DIAPH3: variants seen among roughly 807,000 people sequenced by gnomAD.
DIAPH3 encodes the protein protein diaphanous homolog 3.
A neutral mutation model predicts 144.3 loss-of-function variants in DIAPH3; 117 were observed. The ratio of observed to expected loss-of-function variants is 0.81; its 90% CI spans 0.70 to 0.95. The LOEUF is 0.95. Ranked by LOEUF, DIAPH3 falls within the 40% of genes least tolerant of loss-of-function variation. The probability of loss-of-function intolerance (pLI) is 0.00; values close to 1 mark genes in which losing one functional copy is unlikely to be tolerated. For missense variants in DIAPH3, 1,421 were observed against 1,412.7 expected, an observed-to-expected ratio of 1.01 and a Z score of -0.09; for synonymous variants, 519 against 488.9, an observed-to-expected ratio of 1.06 and a Z score of -0.81.
intron 25 of DIAPH3, among the ~76,000 whole-genome samples, chr13:59,781,072 T>C (rs1023033913): frequency 1.2e-4 from 19 of 152,238 alleles, no homozygotes; most frequent in African/African-American, 4.6e-4. Flanking sequence ...GAACTCTCTT[T>C]CCTTATTCCA....
intron 25 of DIAPH3, among the ~76,000 whole-genome samples, chr13:59,781,516 C>T (rs1191400100): frequency 1.3e-5 from 2 of 152,132 alleles, no homozygotes; most frequent in African/African-American, 4.8e-5. Context: ...CCCAGGATGT[C>T]CCAGTCTCAG....
chr13:59,845,661 C>T (rs1282040618), intron 22 of DIAPH3, among the ~76,000 whole-genome samples: 1 of 152,182 alleles, frequency 6.6e-6, no homozygotes, highest in East Asian at 1.9e-4. Context: ...TAATGTGTGT[C>T]TATCTGCCTT....
rs200769084 is a variant in DIAPH3, at chr13:59,793,276, CATTG to C, written c.3163+17508_3163+17511del. ...TCCTGCCGCCCTCAGAAGTTTACTC[CATTG>C]ATTGTCATTCTCTTCCAATTGCCCT... On this transcript the variant is annotated intron_variant, in intron 25 of 27. Transcript: ENST00000400324. Among the ~76,000 whole-genome samples the C allele has an allele frequency of 5.8e-3, 890 of 152,242 alleles. 11 individuals are homozygous for C. The highest frequency in any genetic ancestry group is 0.02 in the African/African-American group (840 of 41,538).
chr13:60,132,127 C>T (rs1214546041), intron 2 of DIAPH3, among the ~76,000 whole-genome samples: 1 of 152,166 alleles, frequency 6.6e-6, no homozygotes, highest in Non-Finnish European at 1.5e-5. Context: ...CATTCTAATA[C>T]AATTTTTAAG....
intron 27 of DIAPH3, among the ~76,000 whole-genome samples, chr13:59,691,017 AC>A (rs1337136058): frequency 6.6e-6 from 1 of 152,170 alleles, no homozygotes; most frequent in Non-Finnish European, 1.5e-5. Context: ...TTGGGTCTTG[AC>A]ATGTAAGTAG....
intron 20 of DIAPH3, 27 bp from the exon 21 acceptor site, chr13:59,879,495 C>A: frequency 6.2e-7 from 1 of 1,612,962 alleles, no homozygotes; most frequent in South Asian, 1.1e-5. Flanking sequence ...CAGCAGATTT[C>A]CTTTAAAATG....
At chr13:59,999,089 T>A (rs923935249) in intron 9 of DIAPH3, among the ~76,000 whole-genome samples, 1 of 152,090 alleles carries the variant, frequency 6.6e-6, no homozygotes, top group South Asian at 2.1e-4. Context: ...CTTTGAAGAT[T>A]AAAGTGGTAG....
chr13:59,786,685 T>C (rs2039046314), intron 25 of DIAPH3, among the ~76,000 whole-genome samples: 1 of 152,244 alleles, frequency 6.6e-6, no homozygotes, highest in East Asian at 1.9e-4. Context: ...AAAAAAAACT[T>C]CAGTACATAA....
chr13:59,765,214 T>G (rs1352925830), intron 27 of DIAPH3, among the ~76,000 whole-genome samples: 3 of 152,240 alleles, frequency 2.0e-5, no homozygotes, highest in African/African-American at 7.2e-5. Context: ...CAAGAACTAT[T>G]CATAGCAAGA....
rs147289608 is a variant in DIAPH3, at chr13:59,762,871, C to T, written c.3319+11318G>A. On this transcript the variant is annotated intron_variant, in intron 27 of 27. Coordinates refer to ENST00000400324, the MANE Select transcript of DIAPH3 (RefSeq NM_001042517.2). Reference sequence around the variant, plus strand: ...GTCTGTCTTAGTTAATGGGTTGATGCCATTATTGTGAGAATAGTTTCCTTA... The same window carrying T: ...GTCTGTCTTAGTTAATGGGTTGATGTCATTATTGTGAGAATAGTTTCCTTA... Among the ~76,000 whole-genome samples the T allele has an allele frequency of 1.3e-3, 191 of 152,150 alleles. 1 individual carries two copies. Among genetic ancestry groups the T allele is most frequent in the African/African-American group, 4.4e-3 (181 of 41,516 alleles).
At chr13:59,893,542 C>T (rs937745654) in intron 20 of DIAPH3, among the ~76,000 whole-genome samples, 1 of 151,726 alleles carries the variant, frequency 6.6e-6, no homozygotes, top group Admixed American at 6.6e-5. Flanking sequence ...GCAGTCAGAT[C>T]CCTGAATGCA....
At chr13:59,690,843 T>C (rs1173256672) in intron 27 of DIAPH3, among the ~76,000 whole-genome samples, 1 of 152,154 alleles carries the variant, frequency 6.6e-6, no homozygotes, top group East Asian at 1.9e-4. Flanking sequence ...ATGAACAAGA[T>C]CTTAGGCCTT....
intron 4 of DIAPH3, among the ~76,000 whole-genome samples, chr13:60,066,000 ATT>A (rs773397002): frequency 2.6e-5 from 4 of 152,172 alleles, no homozygotes; most frequent in African/African-American, 4.8e-5. Flanking sequence ...ATAAAATGTC[ATT>A]TTTAATAAAT....
intron 4 of DIAPH3, among the ~76,000 whole-genome samples, chr13:60,075,380 C>CCT (rs936458806): frequency 4.2e-4 from 63 of 151,768 alleles, no homozygotes; most frequent in African/African-American, 1.4e-3. Context: ...TTGCTTGCTC[C>CCT]CTCTCTCTCT....
At chr13:59,889,215 C>G (rs142493969) in intron 20 of DIAPH3, among the ~76,000 whole-genome samples, 162 of 152,166 alleles carry the variant, frequency 1.1e-3, no homozygotes, top group African/African-American at 3.7e-3. Context: ...CAATCTTACT[C>G]TCTTATCCTT....
intron 20 of DIAPH3, among the ~76,000 whole-genome samples, chr13:59,898,979 T>C (rs1432337081): frequency 1.3e-5 from 2 of 152,188 alleles, no homozygotes; most frequent in Non-Finnish European, 2.9e-5. Flanking sequence ...CAGAGGAACA[T>C]GGAAGGACTA....
At chr13:60,130,249 T>C (rs530628931) in intron 2 of DIAPH3, among the ~76,000 whole-genome samples, 45 of 152,322 alleles carry the variant, frequency 3.0e-4, no homozygotes, top group African/African-American at 9.6e-4. Flanking sequence ...GCCATGCTTA[T>C]TCTCAAATCT....
intron 20 of DIAPH3, among the ~76,000 whole-genome samples, chr13:59,898,105 A>G (rs1021690581): frequency 5.9e-5 from 8 of 135,152 alleles, no homozygotes; most frequent in Non-Finnish European, 9.2e-5. Flanking sequence ...ACTGAACTCC[A>G]GCCTGGGTGA....
rs2037583084 is a variant in DIAPH3, at chr13:59,761,469, A to G, written c.3319+12720T>C. 5.9e-5 allele frequency among the ~76,000 whole-genome samples: 9 copies of G among 152,274 alleles called. No homozygotes were observed. In the South Asian group the frequency reaches 1.7e-3, roughly 28 times the overall value. On this transcript the variant is annotated intron_variant, in intron 27 of 27. Coordinates refer to ENST00000400324, the MANE Select transcript of DIAPH3 (RefSeq NM_001042517.2). ...GTAGAGTGGTACTTGATTTTTCTCT[A>G]TTGCTCATTTCTATCATTTTTTTTC... is the stretch of plus-strand genomic sequence containing the variant.
Sources: allele counts gnomAD v4.1 joint callset (sites outside exome capture counted in the v4.1 genomes callset), GRCh38; gene constraint gnomAD v4.1.1; transcripts MANE v1.5; gene names NCBI Gene and HGNC (gene_info 2026-07-23, HGNC 2026-07-21).